Variants in BRWD3 observed in about 807,000 individuals in gnomAD.
The protein encoded by BRWD3 is bromodomain and WD repeat domain containing 3.
In BRWD3, 10 loss-of-function variants were observed where a neutral mutation model predicts 149.7. The ratio of observed to expected loss-of-function variants is 0.07; its 90% CI spans 0.04 to 0.11. BRWD3 has a LOEUF of 0.11. Ranked by LOEUF, BRWD3 falls within the 10% of genes least tolerant of loss-of-function variation. The pLI is 1.00. For synonymous variants in BRWD3, 504 were observed against 456.7 expected (o/e 1.10, Z -1.32); for missense variants, 940 against 1,373.2 (o/e 0.68, Z 4.99).
At chrX:80,772,618 T>TA (rs201017662) in intron 6 of BRWD3, among the ~76,000 whole-genome samples, 10 of 107,641 alleles carry the variant, frequency 9.3e-5, no homozygotes, top group Admixed American at 1.0e-4. Flanking sequence ...AAGTATAATT[T>TA]AAAAAAAAAT....
At chrX:80,761,572 A>G (rs2073802928) in intron 6 of BRWD3, among the ~76,000 whole-genome samples, 2 of 111,936 alleles carry the variant, frequency 1.8e-5, no homozygotes, top group African/African-American at 6.5e-5. Context: ...AAAAAATTTG[A>G]ATTAGCAGGC....
At chrX:80,734,241 A>G (rs2073372997) in intron 10 of BRWD3, 23 bp from the exon 11 acceptor site, 2 of 1,019,241 alleles carry the variant, frequency 2.0e-6, no homozygotes, top group African/African-American at 1.9e-5. Flanking sequence ...AAAACAAAAC[A>G]AAACATAGTA....
intron 6 of BRWD3, among the ~76,000 whole-genome samples, chrX:80,769,930 C>A (rs1039385982): frequency 2.7e-5 from 3 of 111,383 alleles, no homozygotes; most frequent in Admixed American, 9.5e-5. Flanking sequence ...CACCACTGAT[C>A]CCACAGAAAT....
intron 25 of BRWD3, among the ~76,000 whole-genome samples, chrX:80,698,129 T>C (rs1053824623): frequency 1.8e-5 from 2 of 112,352 alleles, no homozygotes; most frequent in African/African-American, 6.5e-5. Flanking sequence ...TGTCTGTTCA[T>C]GTCCTTTGCC....
chrX:80,760,921 C>G (rs1468676785), intron 6 of BRWD3, among the ~76,000 whole-genome samples: 1 of 111,309 alleles, frequency 9.0e-6, no homozygotes, highest in Non-Finnish European at 1.9e-5. Context: ...GTAATTCCTA[C>G]CTATAATCTC....
intron 6 of BRWD3, among the ~76,000 whole-genome samples, chrX:80,788,609 GATCCA>G (rs2074141766): frequency 9.0e-6 from 1 of 111,680 alleles, no homozygotes; most frequent in Non-Finnish European, 1.9e-5. Context: ...TTTAACATAT[GATCCA>G]ACAACTGTAC....
At chrX:80,738,355 T>C (rs1602375820) in intron 8 of BRWD3, among the ~76,000 whole-genome samples, 1 of 111,964 alleles carries the variant, frequency 8.9e-6, no homozygotes, top group East Asian at 2.8e-4. Flanking sequence ...ACATACCTAT[T>C]GTACAAAACT....
intron 15 of BRWD3, 114 bp downstream of exon 15, chrX:80,724,819 T>C (rs2073195319): frequency 1.2e-6 from 1 of 868,530 alleles, no homozygotes; most frequent in African/African-American, 2.0e-5. Flanking sequence ...ATTTAACCAA[T>C]TTAAACACAT....
chrX:80,793,822 A>C, intron 4 of BRWD3, 50 bp from the exon 5 acceptor site: 1 of 1,089,248 alleles, frequency 9.2e-7, no homozygotes, highest in Non-Finnish European at 1.3e-6. Context: ...TTTGGTTTAA[A>C]AATATAAATC....
chrX:80,766,891 C>T (rs1018263564), intron 6 of BRWD3, among the ~76,000 whole-genome samples: 4 of 112,143 alleles, frequency 3.6e-5, no homozygotes, highest in South Asian at 3.7e-4. Flanking sequence ...ACCTGGAAAA[C>T]TGGGACATTC....
chrX:80,783,621 C>T (rs994060528), intron 6 of BRWD3, among the ~76,000 whole-genome samples: 8 of 110,826 alleles, frequency 7.2e-5, no homozygotes, highest in African/African-American at 2.6e-4. Flanking sequence ...TATCTGCACT[C>T]CCATGTCTAT....
intron 15 of BRWD3, 81 bp from the exon 16 acceptor site, chrX:80,723,957 C>T (rs1025530084): frequency 3.9e-5 from 40 of 1,022,859 alleles, no homozygotes; most frequent in Non-Finnish European, 4.9e-5. Flanking sequence ...TTGTTAATAC[C>T]ATGGACTCTG....
In BRWD3 at chrX:80,691,806, T is replaced by C. The variant is rs1485586889; in HGVS notation, c.3481+17A>G. 1.7e-6 allele frequency: 2 copies of C among 1,210,690 alleles called. No homozygotes were observed. The highest frequency in any genetic ancestry group is 3.0e-5 in the East Asian group (1 of 33,783). On this transcript the variant is annotated intron_variant, in intron 30 of 40. Coordinates refer to ENST00000373275, the MANE Select transcript of BRWD3 (RefSeq NM_153252.5). ...GCTCTCTTGCATGCTCCTAAAATTT[T>C]TTCACATTCATCATACCCAGGGAAA...
In BRWD3 at chrX:80,740,914, T is replaced by C. The variant is rs1602379656; in HGVS notation, c.813+3118A>G. The stretch of plus-strand genomic sequence containing the variant: ...TTCAAGTTAGAACCTGTTTATATTC[T>C]TTTTTTAAATTATACTTTAAGTTTT... On this transcript the variant is annotated intron_variant, in intron 8 of 40. Transcript: ENST00000373275. Among the ~76,000 whole-genome samples, 3 of 102,562 alleles carry C rather than the reference T, an allele frequency of 2.9e-5. No individual in the cohort carries two copies. The Admixed American group carries it at 3.1e-4, about 11-fold the overall frequency. 89.1% of individuals were successfully genotyped at this position (102,562 alleles called of 115,157 possible). A position where few individuals can be genotyped will look rare whatever the true frequency, so the allele number is the denominator to read the frequency against.
At position 80,790,324 on chromosome X, in the gene BRWD3, A is replaced by G. The variant is rs757524082; in HGVS notation, c.430+1530T>C. Among the ~76,000 whole-genome samples, 113 of 111,313 alleles carry G rather than the reference A, an allele frequency of 1.0e-3. 1 individual carries two copies. The highest frequency in any genetic ancestry group is 3.7e-3 in the African/African-American group (112 of 30,651). On this transcript the variant is annotated intron_variant, in intron 6 of 40. Coordinates refer to ENST00000373275, the MANE Select transcript of BRWD3 (RefSeq NM_153252.5). The stretch of plus-strand genomic sequence containing the variant: ...GACCCACAAAGAGAAAACTGCCTCA[A>G]ATCACAAACTGGAAAGATTTCATAT...
intron 20 of BRWD3, among the ~76,000 whole-genome samples, chrX:80,713,899 G>A (rs910765371): frequency 2.7e-5 from 3 of 111,665 alleles, no homozygotes; most frequent in Non-Finnish European, 3.8e-5. Context: ...TCCCATCAGA[G>A]CGGTTTTATT....
intron 15 of BRWD3, 48 bp downstream of exon 15, chrX:80,724,885 A>G: frequency 8.4e-7 from 1 of 1,188,999 alleles, no homozygotes; most frequent in Non-Finnish European, 1.1e-6. Context: ...TTATTATATG[A>G]GAGAAGTTGG....
Position 80,681,893 on chromosome X carries a change from T to C in BRWD3, c.4495+104A>G, listed in dbSNP as rs1415699222. ...GAATAAAGCACAACTTTTAAAAATCTAAATCCATTGTTCTTTGCACTATAA... is the reference window on the plus strand; with the variant it reads ...GAATAAAGCACAACTTTTAAAAATCCAAATCCATTGTTCTTTGCACTATAA... On this transcript the variant is annotated intron_variant, in intron 39 of 40. Coordinates refer to ENST00000373275, the MANE Select transcript of BRWD3 (RefSeq NM_153252.5). 5 of 743,120 alleles carry C rather than the reference T, an allele frequency of 6.7e-6. No individual in the cohort carries two copies. The African/African-American group carries it at 1.1e-4, about 16-fold the overall frequency. 61.2% of individuals were successfully genotyped at this position (743,120 alleles called of 1,213,427 possible).
At chrX:80,789,483 C>T (rs2074153406) in intron 6 of BRWD3, among the ~76,000 whole-genome samples, 1 of 112,001 alleles carries the variant, frequency 8.9e-6, no homozygotes, top group Admixed American at 9.4e-5. Flanking sequence ...TCACGCCATT[C>T]TCCTGCCTCA....
Sources: allele counts gnomAD v4.1 joint callset (sites outside exome capture counted in the v4.1 genomes callset), GRCh38; gene constraint gnomAD v4.1.1; transcripts MANE v1.5; gene names NCBI Gene and HGNC (gene_info 2026-07-23, HGNC 2026-07-21).